The following KCTD16 variants were observed in gnomAD, a reference collection of about 807,000 sequenced individuals.
KCTD16 encodes the protein potassium channel tetramerization domain containing 16.
Under a neutral mutation model 33.2 loss-of-function variants are expected in KCTD16, and 13 were observed. The ratio of observed to expected loss-of-function variants is 0.39; its 90% CI spans 0.25 to 0.62. The LOEUF (loss-of-function observed/expected upper bound fraction) is 0.62, where lower values mean the gene tolerates loss of function less well. Among genes scored for constraint, KCTD16 ranks in the 20% least tolerant of loss-of-function variants. KCTD16 has a pLI of 0.50. For synonymous variants in KCTD16, 197 were observed against 195.3 expected (o/e 1.01, Z -0.07); for missense variants, 441 against 525.1 (o/e 0.84, Z 1.57).
intron 3 of KCTD16, among the ~76,000 whole-genome samples, chr5:144,325,896 A>C (rs17101792): frequency 0.083 from 12,585 of 152,150 alleles, 1,264 homozygotes; most frequent in African/African-American, 0.23. Context: ...ATTTAATAAA[A>C]CCTGTTCAAT....
At chr5:144,412,024 A>G (rs1752944234) in intron 3 of KCTD16, among the ~76,000 whole-genome samples, 1 of 152,208 alleles carries the variant, frequency 6.6e-6, no homozygotes, top group African/African-American at 2.4e-5. Flanking sequence ...ACAGGGAGTA[A>G]TGGATGCTAA....
intron 3 of KCTD16, among the ~76,000 whole-genome samples, chr5:144,298,450 C>A (rs968428714): frequency 6.6e-6 from 1 of 152,264 alleles, no homozygotes; most frequent in Non-Finnish European, 1.5e-5. Context: ...GTTCTGCCAG[C>A]CAGATGGAAG....
chr5:144,299,148 ATTTTTTTTT>A (rs369343270), intron 3 of KCTD16, among the ~76,000 whole-genome samples: 2 of 14,062 alleles, frequency 1.4e-4, no homozygotes, highest in Admixed American at 1.3e-3. Context: ...ATATATATAT[ATTTTTTTTT>A]TTTTTTTTAA....
At chr5:144,332,702 A>G (rs1409094899) in intron 3 of KCTD16, among the ~76,000 whole-genome samples, 1 of 152,174 alleles carries the variant, frequency 6.6e-6, no homozygotes, top group Non-Finnish European at 1.5e-5. Context: ...TTAGGGGTTG[A>G]GGAGGGGCAC....
intron 3 of KCTD16, among the ~76,000 whole-genome samples, chr5:144,462,309 C>T (rs1754214685): frequency 6.6e-6 from 1 of 152,100 alleles, no homozygotes; most frequent in African/African-American, 2.4e-5. Context: ...CTTTTGGCCA[C>T]ATTCATCAAT....
intron 3 of KCTD16, among the ~76,000 whole-genome samples, chr5:144,319,908 G>T (rs990821686): frequency 6.6e-6 from 1 of 151,958 alleles, no homozygotes; most frequent in African/African-American, 2.4e-5. Context: ...ATATATAAAG[G>T]TATAAATATA....
intron 3 of KCTD16, among the ~76,000 whole-genome samples, chr5:144,222,136 T>A (rs910108656): frequency 7.9e-5 from 12 of 152,292 alleles, no homozygotes; most frequent in African/African-American, 2.9e-4. Flanking sequence ...GTGAATTTTT[T>A]AAAGTTCTTT....
chr5:144,299,074 T>TA lies in KCTD16; in HGVS notation c.832+91528_832+91529insA, dbSNP rs1561558226. Among the ~76,000 whole-genome samples the TA allele has an allele frequency of 9.5e-4, 47 of 49,702 alleles. 1 individual carries two copies. Among genetic ancestry groups the TA allele is most frequent in the Admixed American group, 6.5e-3 (30 of 4,616 alleles). The allele number at this position is 49,702 out of a possible 152,430, so 32.6% of individuals were successfully genotyped here. ...TATATATATATATATATATATATAT[T>TA]TTTGTATATATATATCACTATGTAT... On this transcript the variant is annotated intron_variant, in intron 3 of 3. Transcript: ENST00000512467.
intron 3 of KCTD16, among the ~76,000 whole-genome samples, chr5:144,260,692 G>A (rs575547464): frequency 2.0e-5 from 3 of 152,250 alleles, no homozygotes; most frequent in South Asian, 2.1e-4. Flanking sequence ...GGGCAGAATC[G>A]CAAGTGTATA....
intron 3 of KCTD16, among the ~76,000 whole-genome samples, chr5:144,469,755 T>C (rs1054226999): frequency 5.9e-5 from 9 of 152,028 alleles, no homozygotes; most frequent in African/African-American, 2.2e-4. Context: ...TGCCATGTTA[T>C]CAACTTGATA....
intron 3 of KCTD16, among the ~76,000 whole-genome samples, chr5:144,238,660 A>G (rs1191057646): frequency 6.6e-6 from 1 of 152,098 alleles, no homozygotes; most frequent in Non-Finnish European, 1.5e-5. Context: ...TGCAGTGTGT[A>G]TTAATCTCTT....
chr5:144,389,481 T>G (rs1189520587), intron 3 of KCTD16, among the ~76,000 whole-genome samples: 1 of 151,994 alleles, frequency 6.6e-6, no homozygotes, highest in Non-Finnish European at 1.5e-5. Flanking sequence ...TGATCGTCAC[T>G]GTCTCCTATC....
In KCTD16 at chr5:144,207,253, G is replaced by T; in HGVS notation, c.539G>T (p.Gly180Val). ...GGATCCTGCACCTTGGGCAGAGAGG[G>T]ACAGGCAGATGCCAAGTTTCGGAGA... ...YRGSCTLGRE[G>V]QADAKFRRVP... Residue 180 changes from glycine to valine, a missense_variant, in exon 3 of 4, where the codon GGA becomes GTA. Gly to Val is a moderately radical substitution (Grantham distance 109). Transcript: ENST00000512467. The T allele has an allele frequency of 1.2e-6, 2 of 1,614,202 alleles. No individual in the cohort carries two copies. The highest frequency in any genetic ancestry group is 2.2e-5 in the East Asian group (1 of 44,872).
chr5:144,257,356 A>G (rs1754877410), intron 3 of KCTD16, among the ~76,000 whole-genome samples: 1 of 152,336 alleles, frequency 6.6e-6, no homozygotes, highest in African/African-American at 2.4e-5. Flanking sequence ...GGTGGGACCA[A>G]TCTAAGAGCT....
At chr5:144,332,090 A>T (rs1446320759) in intron 3 of KCTD16, among the ~76,000 whole-genome samples, 1 of 152,188 alleles carries the variant, frequency 6.6e-6, no homozygotes, top group East Asian at 1.9e-4. Context: ...TCTCCCTCTG[A>T]TTCCTATCAA....
Position 144,192,492 on chromosome 5 carries a change from C to T in KCTD16, c.-326-13897C>T, listed in dbSNP as rs115079088. 5.0e-3 allele frequency among the ~76,000 whole-genome samples: 756 copies of T among 152,176 alleles called. 7 individuals carry two copies. Among genetic ancestry groups the T allele is most frequent in the African/African-American group, 0.017 (701 of 41,508 alleles). Reference sequence around the variant, plus strand: ...ATTTTAGACCAGGGAACGAATAAAGCGAAGGATTGTAACAAAATCAATTAA... The same window carrying T: ...ATTTTAGACCAGGGAACGAATAAAGTGAAGGATTGTAACAAAATCAATTAA... On this transcript the variant is annotated intron_variant, in intron 2 of 3. Coordinates refer to ENST00000512467, the MANE Select transcript of KCTD16 (RefSeq NM_020768.4).
At chr5:144,303,306 G>A (rs960218746) in intron 3 of KCTD16, among the ~76,000 whole-genome samples, 13 of 152,168 alleles carry the variant, frequency 8.5e-5, no homozygotes, top group African/African-American at 2.9e-4. Context: ...TACCTAAGCT[G>A]GGGAAGTGAT....
At chr5:144,190,609 A>G (rs2126779709) in intron 2 of KCTD16, among the ~76,000 whole-genome samples, 1 of 152,306 alleles carries the variant, frequency 6.6e-6, no homozygotes, top group South Asian at 2.1e-4. Context: ...GACTGGAAAA[A>G]GCCTTTTTTA....
intron 3 of KCTD16, among the ~76,000 whole-genome samples, chr5:144,299,106 A>T (rs1415553714): frequency 7.7e-4 from 7 of 9,080 alleles, no homozygotes; most frequent in Non-Finnish European, 1.2e-3. Context: ...GTATATATAT[A>T]TATATATATA....
Sources: gnomAD v4.1 joint callset for allele counts (sites outside exome capture counted in the v4.1 genomes callset) on GRCh38, gnomAD v4.1.1 for gene constraint, MANE v1.5 for transcripts, NCBI Gene and HGNC (gene_info 2026-07-23, HGNC 2026-07-21) for gene names.